DOCK4: variants seen among roughly 807,000 people sequenced by gnomAD.
The protein encoded by DOCK4 is dedicator of cytokinesis protein 4.
In DOCK4, 97 loss-of-function variants were observed where a neutral mutation model predicts 268.1. That is an observed-to-expected ratio of 0.36 (90% CI 0.31 to 0.43). The LOEUF is 0.43. Among genes scored for constraint, DOCK4 ranks in the 20% least tolerant of loss-of-function variants. DOCK4 has a pLI of 1.00. For synonymous variants in DOCK4, 954 were observed against 887.2 expected (o/e 1.08, Z -1.34); for missense variants, 2,145 against 2,455.7 (o/e 0.87, Z 2.67).
chr7:112,051,742 G>C (rs1224935970), intron 1 of DOCK4, among the ~76,000 whole-genome samples: 2 of 152,028 alleles, frequency 1.3e-5, no homozygotes, highest in African/African-American at 4.8e-5. Context: ...ATTATTATAT[G>C]AGATGATTTC....
At chr7:112,010,005 T>C (rs1006256181) in intron 1 of DOCK4, among the ~76,000 whole-genome samples, 3 of 152,120 alleles carry the variant, frequency 2.0e-5, no homozygotes, top group Non-Finnish European at 2.9e-5. Flanking sequence ...TTTGTAGAGA[T>C]GGGGTTTCGC....
At chr7:112,126,337 T>C (rs999727400) in intron 1 of DOCK4, among the ~76,000 whole-genome samples, 1 of 152,110 alleles carries the variant, frequency 6.6e-6, no homozygotes, top group African/African-American at 2.4e-5. Context: ...ATCTCCACAT[T>C]AGAGATGAAG....
intron 1 of DOCK4, among the ~76,000 whole-genome samples, chr7:112,021,934 G>C (rs1450431812): frequency 6.6e-6 from 1 of 152,086 alleles, no homozygotes; most frequent in Non-Finnish European, 1.5e-5. Context: ...ATCATGTGAA[G>C]GGCATACTAA....
At chr7:111,826,896 A>T (rs1802439269) in intron 26 of DOCK4, among the ~76,000 whole-genome samples, 1 of 152,080 alleles carries the variant, frequency 6.6e-6, no homozygotes, top group South Asian at 2.1e-4. Context: ...TAAAATCTAT[A>T]TTTTTTTAAA....
intron 20 of DOCK4, 40 bp from the exon 21 acceptor site, chr7:111,869,695 C>A: frequency 6.4e-7 from 1 of 1,572,688 alleles, no homozygotes; most frequent in South Asian, 1.1e-5. Context: ...TAAAATTGGT[C>A]TAATTCTCAA....
intron 1 of DOCK4, among the ~76,000 whole-genome samples, chr7:112,150,136 T>G (rs1815919703): frequency 6.6e-6 from 1 of 152,184 alleles, no homozygotes; most frequent in Non-Finnish European, 1.5e-5. Context: ...AATCTGAACT[T>G]AGGTCTGACT....
chr7:111,834,747 G>A (rs1377054565), intron 25 of DOCK4, 61 bp from the exon 26 acceptor site: 6 of 1,158,906 alleles, frequency 5.2e-6, no homozygotes, highest in Middle Eastern at 2.0e-4. Flanking sequence ...AAGAACATCA[G>A]TAACTTACAC....
chr7:112,046,912 C>T (rs1485205380), intron 1 of DOCK4, among the ~76,000 whole-genome samples: 1 of 152,160 alleles, frequency 6.6e-6, no homozygotes, highest in Non-Finnish European at 1.5e-5. Context: ...TTAGAGTTTA[C>T]AGCAGCAGCG....
chr7:111,775,810 T>G (rs933690600), intron 36 of DOCK4, among the ~76,000 whole-genome samples: 2 of 152,170 alleles, frequency 1.3e-5, no homozygotes, highest in Non-Finnish European at 2.9e-5. Flanking sequence ...TTTCTTTGAC[T>G]GCTTTGCCCA....
intron 16 of DOCK4, among the ~76,000 whole-genome samples, chr7:111,894,934 G>C (rs1173226401): frequency 6.6e-6 from 1 of 152,180 alleles, no homozygotes; most frequent in Non-Finnish European, 1.5e-5. Flanking sequence ...ATAGGTGAGA[G>C]TTGATAAGGG....
At chr7:111,877,519 A>C (rs913335088) in intron 16 of DOCK4, among the ~76,000 whole-genome samples, 1 of 152,196 alleles carries the variant, frequency 6.6e-6, no homozygotes, top group Non-Finnish European at 1.5e-5. Context: ...AAAGCCTTTA[A>C]CACAGTCCTG....
At chr7:112,133,419 G>GA (rs1305446111) in intron 1 of DOCK4, among the ~76,000 whole-genome samples, 6 of 152,054 alleles carry the variant, frequency 3.9e-5, no homozygotes, top group African/African-American at 1.4e-4. Context: ...TTGCCTGAAT[G>GA]AAAAAAAGTA....
At chr7:112,174,134 T>G (rs1023226180) in intron 1 of DOCK4, among the ~76,000 whole-genome samples, 1 of 151,174 alleles carries the variant, frequency 6.6e-6, no homozygotes, top group Non-Finnish European at 1.5e-5. Flanking sequence ...GACTTCCACC[T>G]GGACCAGCTG....
intron 12 of DOCK4, among the ~76,000 whole-genome samples, chr7:111,921,450 G>A (rs1793129126): frequency 6.6e-6 from 1 of 152,184 alleles, no homozygotes; most frequent in African/African-American, 2.4e-5. Context: ...GGAAAGCATA[G>A]CATGATTTAT....
intron 1 of DOCK4, among the ~76,000 whole-genome samples, chr7:112,035,212 C>G (rs1586689157): frequency 6.6e-6 from 1 of 152,206 alleles, no homozygotes; most frequent in Non-Finnish European, 1.5e-5. Context: ...GAAATAAGAT[C>G]AAGTGAACTC....
chr7:112,202,327 T>A (rs1821016300), intron 1 of DOCK4, among the ~76,000 whole-genome samples: 1 of 152,248 alleles, frequency 6.6e-6, no homozygotes, highest in Non-Finnish European at 1.5e-5. Flanking sequence ...GCGTTCCCTT[T>A]TCTCTGCACT....
chr7:112,181,825 AT>A (rs1819073453), intron 1 of DOCK4, among the ~76,000 whole-genome samples: 1 of 152,046 alleles, frequency 6.6e-6, no homozygotes, highest in Non-Finnish European at 1.5e-5. Context: ...ATAAAGGAAA[AT>A]CGTTTTCAGT....
intron 1 of DOCK4, among the ~76,000 whole-genome samples, chr7:112,051,570 CA>C (rs1805358427): frequency 6.6e-6 from 1 of 151,742 alleles, no homozygotes; most frequent in Non-Finnish European, 1.5e-5. Context: ...AAAATGATTG[CA>C]ATCATTTTTG....
At chr7:112,104,755 A>G (rs1810989709) in intron 1 of DOCK4, among the ~76,000 whole-genome samples, 1 of 152,226 alleles carries the variant, frequency 6.6e-6, no homozygotes, top group Admixed American at 6.5e-5. Flanking sequence ...AATGTTTATA[A>G]TCTGGGTGGG....
Sources: allele counts gnomAD v4.1 joint callset (sites outside exome capture counted in the v4.1 genomes callset), GRCh38; gene constraint gnomAD v4.1.1; transcripts MANE v1.5; gene names NCBI Gene and HGNC (gene_info 2026-07-23, HGNC 2026-07-21).